Variants in C7orf57 observed in about 807,000 individuals in gnomAD.
C7orf57 encodes the protein uncharacterized protein C7orf57.
A neutral mutation model predicts 39.0 loss-of-function variants in C7orf57; 33 were observed. That is an observed-to-expected ratio of 0.85 (90% CI 0.64 to 1.13). C7orf57 has a LOEUF of 1.13. C7orf57 is among the 50% of genes most tolerant of loss of function. The pLI is 0.00. For synonymous variants in C7orf57, 124 were observed against 137.1 expected (o/e 0.90, Z 0.67); for missense variants, 346 against 362.3 (o/e 0.95, Z 0.37).
At chr7:48,048,187 G>A (rs1790770923) in intron 5 of C7orf57, among the ~76,000 whole-genome samples, 2 of 152,336 alleles carry the variant, frequency 1.3e-5, no homozygotes, top group South Asian at 4.1e-4. Context: ...AACAGGTAGA[G>A]GGACATGGTG....
intron 6 of C7orf57, among the ~76,000 whole-genome samples, chr7:48,051,827 CTT>C (rs775948457): frequency 2.6e-5 from 1 of 38,704 alleles, no homozygotes; most frequent in Non-Finnish European, 5.0e-5. Context: ...CTCTTTCTTT[CTT>C]TCTTTCTTTC....
intron 3 of C7orf57, among the ~76,000 whole-genome samples, chr7:48,042,370 G>C (rs1226271014): frequency 2.0e-5 from 3 of 152,218 alleles, no homozygotes; most frequent in Non-Finnish European, 2.9e-5. Flanking sequence ...TCAGATAAAA[G>C]AATTGCATCA....
intron 7 of C7orf57, among the ~76,000 whole-genome samples, chr7:48,053,342 T>A (rs1791017251): frequency 6.6e-6 from 1 of 152,228 alleles, no homozygotes; most frequent in South Asian, 2.1e-4. Context: ...AAATTCAAAC[T>A]TAAAATTACT....
At chr7:48,057,064 T>G (rs1791136382) in intron 8 of C7orf57, among the ~76,000 whole-genome samples, 1 of 126,626 alleles carries the variant, frequency 7.9e-6, no homozygotes. Context: ...GCCATATATC[T>G]GTTTTTTTTT....
In C7orf57 at chr7:48,043,632, G is replaced by GA. The variant is rs766166125; in HGVS notation, c.350+50dup. Reference sequence around the variant, plus strand: ...CTCACATTTTTGTTTATCTTTACAGGAAAAAAATAGCCCAATTTTAATTTT... The same window carrying GA: ...CTCACATTTTTGTTTATCTTTACAGGAAAAAAAATAGCCCAATTTTAATTTT... On this transcript the variant is annotated intron_variant, in intron 4 of 8. Transcript: ENST00000348904. 28 of 1,441,152 alleles carry GA rather than the reference G, an allele frequency of 1.9e-5. No individual in the cohort carries two copies. The African/African-American group carries it at 2.4e-4, about 12-fold the overall frequency. The allele number at this position is 1,441,152 out of a possible 1,614,324, so 89.3% of individuals were successfully genotyped here. A position where few individuals can be genotyped will look rare whatever the true frequency, so the allele number is the denominator to read the frequency against.
At chr7:48,046,887 T>C (rs1790734089) in intron 5 of C7orf57, among the ~76,000 whole-genome samples, 1 of 152,238 alleles carries the variant, frequency 6.6e-6, no homozygotes, top group South Asian at 2.1e-4. Flanking sequence ...AGAGGAAAAC[T>C]GGCATAGCAC....
intron 2 of C7orf57, among the ~76,000 whole-genome samples, chr7:48,039,605 T>TA (rs1790485139): frequency 6.6e-6 from 1 of 152,200 alleles, no homozygotes; most frequent in Non-Finnish European, 1.5e-5. Flanking sequence ...CTACCGTTTT[T>TA]AATGTTATTT....
chr7:48,042,703 A>G (rs1287971774), intron 3 of C7orf57, among the ~76,000 whole-genome samples: 2 of 152,022 alleles, frequency 1.3e-5, no homozygotes. Context: ...AAAAAAGAAA[A>G]GTTAAAATTT....
In C7orf57 at chr7:48,051,347, A is replaced by ATTTTTTTTTTTTTTTTTT. The variant is rs71006546; in HGVS notation, c.606-1350_606-1333dup. On this transcript the variant is annotated intron_variant, in intron 6 of 8. Coordinates refer to ENST00000348904, the MANE Select transcript of C7orf57 (RefSeq NM_001100159.3). ...AGGTGCCTGCCACCACAGCTGGCTA[A>ATTTTTTTTTTTTTTTTTT]TTTTTTTTTTTTTTTTTTTTGGAGA... 4.3e-5 allele frequency among the ~76,000 whole-genome samples: 3 copies of ATTTTTTTTTTTTTTTTTT among 69,770 alleles called. 1 individual carries two copies. The highest frequency in any genetic ancestry group is 1.8e-4 in the African/African-American group (3 of 16,550). 45.8% of individuals were successfully genotyped at this position (69,770 alleles called of 152,430 possible). A position where few individuals can be genotyped will look rare whatever the true frequency, so the allele number is the denominator to read the frequency against.
rs1791002274 is a variant in C7orf57, at chr7:48,052,905, G to A, written c.811G>A (p.Gly271Ser). The A allele has an allele frequency of 6.2e-7, 1 of 1,613,572 alleles. No individual in the cohort carries two copies. The highest frequency in any genetic ancestry group is 8.5e-7 in the Non-Finnish European group (1 of 1,179,680). Residue 271 changes from glycine (G) to serine (S), a missense_variant, in exon 7 of 9, where the codon GGT becomes AGT. Coordinates refer to ENST00000348904, the MANE Select transcript of C7orf57 (RefSeq NM_001100159.3). ...ARLQDAEASE[G>S]PEDTPESSQS... Reference sequence around the variant, plus strand: ...GCTCCAGGATGCAGAGGCTTCTGAAGGTCCTGAGGACACCCCAGGTGAGGC... The same window carrying A: ...GCTCCAGGATGCAGAGGCTTCTGAAAGTCCTGAGGACACCCCAGGTGAGGC...
intron 5 of C7orf57, among the ~76,000 whole-genome samples, chr7:48,047,272 A>G (rs1790744879): frequency 6.6e-6 from 1 of 152,226 alleles, no homozygotes; most frequent in South Asian, 2.1e-4. Context: ...CCGGGGCATC[A>G]GCACCAGGTC....
intron 3 of C7orf57, among the ~76,000 whole-genome samples, chr7:48,042,285 A>AT (rs1413164654): frequency 3.3e-5 from 5 of 152,338 alleles, no homozygotes; most frequent in Non-Finnish European, 5.9e-5. Context: ...AGACCTAGAC[A>AT]TTTTTTCTTA....
At position 48,041,519 on chromosome 7, in the gene C7orf57, G is replaced by C. The variant is rs558402607; in HGVS notation, c.241G>C (p.Asp81His). Residue 81 changes from aspartate to histidine, a missense_variant and splice_region_variant, in exon 3 of 9, where the codon GAT (aspartate) becomes CAT (histidine). Transcript: ENST00000348904. ...GCTCGCGAAACAAGGTGGCAGGCCCGGTGAGCCCCCTCCTGCCCTGTTCAG... is the reference window on the plus strand; with the variant it reads ...GCTCGCGAAACAAGGTGGCAGGCCCCGTGAGCCCCCTCCTGCCCTGTTCAG... ...VKLAKQGGRP[D>H]LLKHFAPGTR... 5.0e-6 allele frequency: 8 copies of C among 1,600,970 alleles called. No individual in the cohort carries two copies. In the Admixed American group the frequency reaches 1.3e-4, roughly 27 times the overall value.
At chr7:48,051,840 T>TTTCTTTC (rs1491458170) in intron 6 of C7orf57, among the ~76,000 whole-genome samples, 3 of 78,364 alleles carry the variant, frequency 3.8e-5, no homozygotes, top group African/African-American at 2.1e-4. Flanking sequence ...TCTTTCTTTC[T>TTTCTTTC]TTCTTTCTTT....
In C7orf57 at chr7:48,041,454, G is replaced by A. The variant is rs201328855; in HGVS notation, c.176G>A (p.Arg59Gln). The change falls in exon 3 of 9, where the codon CGG becomes CAG. Residue 59 changes from arginine (R) to glutamine (Q), a missense_variant. Physicochemically the swap from Arg to Gln is conservative, Grantham distance 43 (BLOSUM62 1). Transcript: ENST00000348904. The part of the protein sequence containing the change: ...DSHSENLPGT[R>Q]RYWIKETDSE... Reference sequence around the variant, plus strand: ...CACAGCGAGAACCTGCCTGGGACTCGGAGATACTGGATAAAAGAAACAGAT... The same window carrying A: ...CACAGCGAGAACCTGCCTGGGACTCAGAGATACTGGATAAAAGAAACAGAT... The A allele has an allele frequency of 1.0e-4, 164 of 1,613,820 alleles. No homozygotes were observed. In the African/African-American group the frequency reaches 1.9e-3, roughly 19 times the overall value.
chr7:48,043,610 AC>A, intron 4 of C7orf57, 21 bp downstream of exon 4: 1 of 1,587,978 alleles, frequency 6.3e-7, no homozygotes, highest in Non-Finnish European at 8.6e-7. Context: ...TAAAGCACTC[AC>A]ATTTTTGTTT....
intron 7 of C7orf57, among the ~76,000 whole-genome samples, chr7:48,053,905 C>A (rs1207735538): frequency 3.3e-5 from 5 of 152,286 alleles, no homozygotes; most frequent in African/African-American, 1.2e-4. Flanking sequence ...GAGGCTTGAG[C>A]TCTTTGATTA....
intron 7 of C7orf57, 87 bp downstream of exon 7, chr7:48,053,010 G>C (rs1340300603): frequency 9.3e-7 from 1 of 1,078,400 alleles, no homozygotes; most frequent in Non-Finnish European, 1.4e-6. Context: ...GATGCGTCTC[G>C]TAATGAGAAA....
intron 2 of C7orf57, among the ~76,000 whole-genome samples, chr7:48,037,363 A>G (rs1215927685): frequency 2.0e-5 from 3 of 152,196 alleles, no homozygotes; most frequent in Admixed American, 6.5e-5. Context: ...TAACAATGCT[A>G]CAAGGTAACA....
Sources: allele counts gnomAD v4.1 joint callset (sites outside exome capture counted in the v4.1 genomes callset), GRCh38; gene constraint gnomAD v4.1.1; transcripts MANE v1.5; gene names NCBI Gene and HGNC (gene_info 2026-07-23, HGNC 2026-07-21).